FAM234B: variants seen among roughly 807,000 people sequenced by gnomAD.
FAM234B encodes the protein family with sequence similarity 234 member B.
A neutral mutation model predicts 69.3 loss-of-function variants in FAM234B; 33 were observed. That is an observed-to-expected ratio of 0.48 (90% CI 0.36 to 0.64). FAM234B has a LOEUF of 0.64. Among genes scored for constraint, FAM234B ranks in the 30% least tolerant of loss-of-function variants. The pLI, the probability that FAM234B is intolerant of heterozygous loss-of-function variation, is 0.00. For missense variants in FAM234B, 697 were observed against 769.7 expected, an observed-to-expected ratio of 0.91 and a Z score of 1.12; for synonymous variants, 306 against 306.9, an observed-to-expected ratio of 1.00 and a Z score of 0.03.
At chr12:13,061,473 G>A in intron 3 of FAM234B, 102 bp from the exon 4 acceptor site, 1 of 916,494 alleles carries the variant, frequency 1.1e-6, no homozygotes, top group South Asian at 1.7e-5. Context: ...TGTGGTTGCT[G>A]CCTTACCACC....
chr12:13,048,770 G>A (rs953673464), intron 1 of FAM234B, among the ~76,000 whole-genome samples: 24 of 152,278 alleles, frequency 1.6e-4, no homozygotes, highest in African/African-American at 5.8e-4. Context: ...TACTTGAGAC[G>A]AGGCAATTTA....
intron 10 of FAM234B, among the ~76,000 whole-genome samples, chr12:13,071,958 T>C (rs1225573955): frequency 1.3e-5 from 2 of 152,184 alleles, no homozygotes; most frequent in African/African-American, 4.8e-5. Context: ...AGTATTTTCA[T>C]GGGGTTGGTG....
intron 1 of FAM234B, among the ~76,000 whole-genome samples, chr12:13,048,242 A>T (rs1039820822): frequency 2.0e-5 from 3 of 152,200 alleles, no homozygotes; most frequent in Non-Finnish European, 2.9e-5. Flanking sequence ...CTATCTTTTA[A>T]TAGTGTATGT....
intron 2 of FAM234B, 106 bp from the exon 3 acceptor site, chr12:13,058,345 A>T: frequency 1.2e-6 from 1 of 834,308 alleles, no homozygotes; most frequent in Non-Finnish European, 2.1e-6. Context: ...TACTATACCT[A>T]GTCGAGGAAC....
intron 9 of FAM234B, 115 bp downstream of exon 9, chr12:13,068,826 CA>C: frequency 1.5e-6 from 1 of 650,568 alleles, no homozygotes; most frequent in Non-Finnish European, 2.7e-6. Flanking sequence ...TCTCTAACTT[CA>C]AAGAACTCAA....
intron 1 of FAM234B, among the ~76,000 whole-genome samples, chr12:13,047,824 G>T (rs150616425): frequency 6.6e-6 from 1 of 152,186 alleles, no homozygotes; most frequent in Non-Finnish European, 1.5e-5. Flanking sequence ...GCCTGAGTAG[G>T]ACTTAAGGCA....
At chr12:13,061,346 C>T (rs1394170104) in intron 3 of FAM234B, among the ~76,000 whole-genome samples, 2 of 152,108 alleles carry the variant, frequency 1.3e-5, no homozygotes, top group African/African-American at 4.8e-5. Context: ...ATGCATTCGA[C>T]AGTGTAGAGG....
intron 11 of FAM234B, among the ~76,000 whole-genome samples, chr12:13,077,567 T>C (rs1253884952): frequency 4.6e-5 from 7 of 151,998 alleles, no homozygotes; most frequent in African/African-American, 9.7e-5. Context: ...TGATGATTTC[T>C]AATTTCATCC....
chr12:13,065,850 C>T (rs1865030161), intron 5 of FAM234B, among the ~76,000 whole-genome samples: 1 of 152,168 alleles, frequency 6.6e-6, no homozygotes, highest in Non-Finnish European at 1.5e-5. Context: ...ATTTCTTTAT[C>T]TTGTCCATAG....
intron 1 of FAM234B, among the ~76,000 whole-genome samples, chr12:13,047,887 G>A (rs1316024769): frequency 6.6e-6 from 1 of 152,064 alleles, no homozygotes; most frequent in Non-Finnish European, 1.5e-5. Flanking sequence ...AAGGCAAGTT[G>A]GTGGACGTCT....
Position 13,066,625 on chromosome 12 carries a change from C to T in FAM234B, c.853-15C>T, listed in dbSNP as rs775328636. 51 of 1,605,760 alleles carry T rather than the reference C, an allele frequency of 3.2e-5. No homozygotes were observed. The Admixed American group carries it at 8.6e-4, about 27-fold the overall frequency. ...GGGCTTCTATTGACTCCACCCCCCT[C>T]TCTTACTTCCTCAGCCAGATCTGTG... On this transcript the variant is annotated splice_polypyrimidine_tract_variant and intron_variant, in intron 5 of 12. Coordinates refer to ENST00000197268, the MANE Select transcript of FAM234B (RefSeq NM_020853.2).
rs1865223653 is a variant in FAM234B at position 13,081,312 on chromosome 12, C to T, written c.*682C>T. The T allele has an allele frequency of 6.6e-6, 1 of 152,200 alleles. No individual in the cohort carries two copies. Among genetic ancestry groups the T allele is most frequent in the Non-Finnish European group, 1.5e-5 (1 of 68,064 alleles). The allele number at this position is 152,200 out of a possible 1,614,324, so 9.4% of individuals were successfully genotyped here. A position where few individuals can be genotyped will look rare whatever the true frequency, so the allele number is the denominator to read the frequency against. On this transcript the variant is annotated 3_prime_UTR_variant, in exon 13 of 13. Coordinates refer to ENST00000197268, the MANE Select transcript of FAM234B (RefSeq NM_020853.2). Reference sequence around the variant, plus strand: ...TCCATCCATGTCTATTAAGTGACCACAAGAATAACTATATTCCTATCACAA... The same window carrying T: ...TCCATCCATGTCTATTAAGTGACCATAAGAATAACTATATTCCTATCACAA...
intron 9 of FAM234B, among the ~76,000 whole-genome samples, chr12:13,070,202 TATATATATAA>T (rs1180908715): frequency 1.1e-4 from 10 of 94,640 alleles, no homozygotes; most frequent in Admixed American, 6.4e-4. Flanking sequence ...TATATATATA[TATATATATAA>T]AATGAAATAT....
chr12:13,059,258 A>G (rs1024109558), intron 3 of FAM234B, among the ~76,000 whole-genome samples: 9 of 152,270 alleles, frequency 5.9e-5, no homozygotes, highest in East Asian at 5.8e-4. Context: ...TGGCCCTCCT[A>G]TAGGACTTTC....
intron 1 of FAM234B, among the ~76,000 whole-genome samples, chr12:13,050,925 A>AAT (rs1459230531): frequency 6.6e-6 from 1 of 152,228 alleles, no homozygotes; most frequent in Admixed American, 6.5e-5. Context: ...ATATATGTGC[A>AAT]ATATATATCT....
chr12:13,057,336 A>G (rs1478986916), intron 2 of FAM234B, among the ~76,000 whole-genome samples: 1 of 152,148 alleles, frequency 6.6e-6, no homozygotes, highest in Non-Finnish European at 1.5e-5. Flanking sequence ...AGATTCATCT[A>G]TATTGATGCA....
At chr12:13,077,504 G>A (rs1865175534) in intron 11 of FAM234B, among the ~76,000 whole-genome samples, 1 of 145,332 alleles carries the variant, frequency 6.9e-6, no homozygotes, top group African/African-American at 2.6e-5. Context: ...TCCCACCTAT[G>A]AGTGAGAACA....
intron 1 of FAM234B, 92 bp from the exon 2 acceptor site, chr12:13,055,459 C>T (rs1431529430): frequency 1.1e-5 from 14 of 1,277,426 alleles, no homozygotes; most frequent in Non-Finnish European, 1.5e-5. Context: ...TTTAGTTTTC[C>T]GTGTTCTTCT....
At chr12:13,060,489 T>C (rs1864972844) in intron 3 of FAM234B, among the ~76,000 whole-genome samples, 1 of 152,096 alleles carries the variant, frequency 6.6e-6, no homozygotes, top group Non-Finnish European at 1.5e-5. Context: ...GTCAGAGCAT[T>C]GTAGGATGGA....
Sources: allele counts gnomAD v4.1 joint callset (sites outside exome capture counted in the v4.1 genomes callset), GRCh38; gene constraint gnomAD v4.1.1; transcripts MANE v1.5; gene names NCBI Gene and HGNC (gene_info 2026-07-23, HGNC 2026-07-21).